Variants in ITGA9 observed in about 807,000 individuals in gnomAD.
ITGA9 encodes the protein integrin alpha-9.
ITGA9 carries 56 observed loss-of-function variants against 127.8 expected under a neutral mutation model. The ratio of observed to expected loss-of-function variants is 0.44; its 90% CI spans 0.35 to 0.55. The LOEUF is 0.55. Among genes scored for constraint, ITGA9 ranks in the 20% least tolerant of loss-of-function variants. ITGA9 has a pLI of 0.00. For missense variants in ITGA9, 1,196 were observed against 1,347.1 expected, an observed-to-expected ratio of 0.89 and a Z score of 1.76; for synonymous variants, 508 against 514.5, an observed-to-expected ratio of 0.99 and a Z score of 0.17.
At chr3:37,785,564 C>A (rs896722530) in intron 26 of ITGA9, among the ~76,000 whole-genome samples, 2 of 152,118 alleles carry the variant, frequency 1.3e-5, no homozygotes, top group African/African-American at 4.8e-5. Flanking sequence ...GCCTTGAATA[C>A]CTGGCCTCAA....
chr3:37,511,490 A>G (rs1698904141), intron 8 of ITGA9, among the ~76,000 whole-genome samples: 1 of 152,276 alleles, frequency 6.6e-6, no homozygotes, highest in Non-Finnish European at 1.5e-5. Flanking sequence ...GCCAAGTTAA[A>G]TAGTCCTTTG....
intron 15 of ITGA9, among the ~76,000 whole-genome samples, chr3:37,602,553 A>AT (rs922785055): frequency 1.3e-5 from 2 of 152,064 alleles, no homozygotes; most frequent in African/African-American, 4.8e-5. Context: ...ATTCATTTGA[A>AT]TTTTTTTATT....
chr3:37,565,784 T>C (rs1184679900), intron 15 of ITGA9, among the ~76,000 whole-genome samples: 1 of 152,130 alleles, frequency 6.6e-6, no homozygotes, highest in Non-Finnish European at 1.5e-5. Flanking sequence ...ACCTTAAGAG[T>C]CTGCATTTGT....
intron 26 of ITGA9, among the ~76,000 whole-genome samples, chr3:37,789,768 CAAAAAAAAAAAA>C (rs71635850): frequency 2.2e-4 from 8 of 35,688 alleles, no homozygotes; most frequent in Admixed American, 4.6e-4. Flanking sequence ...GACTCCGTCT[CAAAAAAAAAAAA>C]AAAAAAAAAA....
chr3:37,752,138 C>T (rs970934523), intron 23 of ITGA9, among the ~76,000 whole-genome samples: 3 of 152,238 alleles, frequency 2.0e-5, no homozygotes, highest in Admixed American at 6.5e-5. Context: ...TTAAAGCCCT[C>T]GGCAAGGGCC....
At chr3:37,569,143 A>T (rs561691316) in intron 15 of ITGA9, among the ~76,000 whole-genome samples, 1 of 152,316 alleles carries the variant, frequency 6.6e-6, no homozygotes, top group Non-Finnish European at 1.5e-5. Context: ...GTGGCTGGGG[A>T]GGCCTCACAA....
chr3:37,722,478 C>T (rs577036042), intron 18 of ITGA9, among the ~76,000 whole-genome samples: 2 of 152,286 alleles, frequency 1.3e-5, no homozygotes, highest in African/African-American at 4.8e-5. Flanking sequence ...CCCCTATTTC[C>T]ACCAGCCAAA....
intron 18 of ITGA9, among the ~76,000 whole-genome samples, chr3:37,718,146 G>C (rs115822924): frequency 2.0e-5 from 3 of 152,252 alleles, no homozygotes; most frequent in Non-Finnish European, 2.9e-5. Flanking sequence ...AGGCTACTCA[G>C]TAATTATTAA....
At chr3:37,526,833 C>A (rs1347554623) in intron 13 of ITGA9, among the ~76,000 whole-genome samples, 1 of 152,212 alleles carries the variant, frequency 6.6e-6, no homozygotes, top group Non-Finnish European at 1.5e-5. Context: ...CATGTAGTTC[C>A]ACACCCCAGA....
At chr3:37,583,117 G>A (rs1268563577) in intron 15 of ITGA9, among the ~76,000 whole-genome samples, 2 of 152,100 alleles carry the variant, frequency 1.3e-5, no homozygotes, top group Non-Finnish European at 2.9e-5. Flanking sequence ...GCCAATATTG[G>A]AAAACTGGGA....
At chr3:37,526,236 G>A (rs984365097) in intron 13 of ITGA9, among the ~76,000 whole-genome samples, 165 bp downstream of exon 13, 16 of 152,218 alleles carry the variant, frequency 1.1e-4, no homozygotes, top group African/African-American at 3.9e-4. Context: ...CTCTATCCCA[G>A]AGTTTCTAGC....
In ITGA9 at chr3:37,506,059, G is replaced by A. The variant is rs1365045779; in HGVS notation, c.802G>A (p.Ala268Thr). 1.2e-6 allele frequency: 2 copies of A among 1,610,142 alleles called. No homozygotes were observed. Among genetic ancestry groups the A allele is most frequent in the East Asian group, 2.2e-5 (1 of 44,816 alleles). The change falls in exon 7 of 28, where the codon GCC becomes ACC. Residue 268 changes from alanine (A) to threonine (T), a missense_variant. Ala to Thr is a moderately conservative substitution (Grantham distance 58, BLOSUM62 0). Transcript: ENST00000264741. ...HPSTIDVVGG[A>T]PQDKGIGKVY... is the part of the protein sequence containing the mutation. ...GTCCACCATTGATGTGGTAGGAGGTGCCCCACAGGACAAAGGCATCGGCAA... is the reference window on the plus strand; with the variant it reads ...GTCCACCATTGATGTGGTAGGAGGTACCCCACAGGACAAAGGCATCGGCAA...
intron 26 of ITGA9, among the ~76,000 whole-genome samples, chr3:37,785,798 T>C (rs1271941496): frequency 6.6e-6 from 1 of 152,128 alleles, no homozygotes. Flanking sequence ...TTGAATGACT[T>C]AAAGAGATTA....
intron 25 of ITGA9, 145 bp downstream of exon 25, chr3:37,780,166 A>G (rs1215521802): frequency 7.7e-6 from 7 of 903,916 alleles, no homozygotes; most frequent in Non-Finnish European, 1.2e-5. Flanking sequence ...TTGGCTGTCT[A>G]CAAGAGACTG....
intron 16 of ITGA9, among the ~76,000 whole-genome samples, chr3:37,644,177 C>G (rs1413885994): frequency 6.6e-6 from 1 of 152,178 alleles, no homozygotes; most frequent in Non-Finnish European, 1.5e-5. Context: ...TAGTCCCAGG[C>G]AGATCCAGGA....
intron 18 of ITGA9, among the ~76,000 whole-genome samples, chr3:37,711,864 A>C (rs1048621531): frequency 2.0e-5 from 3 of 152,236 alleles, no homozygotes; most frequent in African/African-American, 7.2e-5. Flanking sequence ...TTGGCCCTCC[A>C]GAGTCCAGCA....
In ITGA9 at chr3:37,602,087, C is replaced by G. The variant is rs748435949; in HGVS notation, c.1690-27100C>G. ...CCAAGCCATTCACAATGGATCCGTC[C>G]CCATGACCCAAGCACCTCCCATCAG... On this transcript the variant is annotated intron_variant, in intron 15 of 27. Transcript: ENST00000264741. Among the ~76,000 whole-genome samples the G allele has an allele frequency of 4.9e-4, 75 of 152,122 alleles. 1 individual carries two copies. The highest frequency in any genetic ancestry group is 6.3e-4 in the Non-Finnish European group (43 of 68,022).
In ITGA9 at chr3:37,759,342, A is replaced by G. The variant is rs187610857; in HGVS notation, c.2541+8773A>G. Among the ~76,000 whole-genome samples, 429 of 152,288 alleles carry G rather than the reference A, an allele frequency of 2.8e-3. 3 individuals are homozygous for G. The highest frequency in any genetic ancestry group is 4.6e-3 in the Non-Finnish European group (313 of 68,016). Reference sequence around the variant, plus strand: ...CACACAGACACTGTATATATCATATATATTTCTCATGTGCTATACAGGAAG... The same window carrying G: ...CACACAGACACTGTATATATCATATGTATTTCTCATGTGCTATACAGGAAG... On this transcript the variant is annotated intron_variant, in intron 23 of 27. Coordinates refer to ENST00000264741, the MANE Select transcript of ITGA9 (RefSeq NM_002207.3).
intron 14 of ITGA9, among the ~76,000 whole-genome samples, chr3:37,539,630 G>A (rs1160649730): frequency 6.6e-6 from 1 of 152,168 alleles, no homozygotes; most frequent in Non-Finnish European, 1.5e-5. Context: ...AGGGTAATCT[G>A]CTTTATTCAA....
Sources: allele counts gnomAD v4.1 joint callset (sites outside exome capture counted in the v4.1 genomes callset), GRCh38; gene constraint gnomAD v4.1.1; transcripts MANE v1.5; gene names NCBI Gene and HGNC (gene_info 2026-07-23, HGNC 2026-07-21).